ABTB1: variants seen among roughly 807,000 people sequenced by gnomAD.
ABTB1 encodes ankyrin repeat and BTB/POZ domain-containing protein 1.
A neutral mutation model predicts 57.1 loss-of-function variants in ABTB1; 45 were observed. That is an observed-to-expected ratio of 0.79 (90% confidence interval 0.62 to 1.01). ABTB1 has a LOEUF of 1.01. Among genes scored for constraint, ABTB1 ranks in the 50% least tolerant of loss-of-function variants. The pLI is 0.00. For synonymous variants in ABTB1, 302 were observed against 275.4 expected, an observed-to-expected ratio of 1.10 and a Z score of -0.95; for missense variants, 630 against 666.3, an observed-to-expected ratio of 0.95 and a Z score of 0.60.
Position 127,674,543 on chromosome 3 carries a change from A to T in ABTB1, c.120-2A>T. On this transcript the variant is annotated splice_acceptor_variant, in intron 2 of 11. Coordinates refer to ENST00000232744, the MANE Select transcript of ABTB1 (RefSeq NM_172027.3). LOFTEE classifies it high-confidence loss of function. The stretch of plus-strand genomic sequence containing the variant: ...CCTCCTGTACTTCCTTCCTCCCTTC[A>T]GGTACTATGCCTGCTTGTGTGGGCA... 1 of 1,614,136 alleles carries T rather than the reference A, an allele frequency of 6.2e-7. No individual in the cohort carries two copies. The highest frequency in any genetic ancestry group is 1.1e-5 in the South Asian group (1 of 91,084).
chr3:127,676,456 G>T lies in ABTB1; in HGVS notation c.480+25G>T. ...GGTATGTCCCTTCAGGGTGGCAGAGGGGCATGAACTGTCCAGGAACAGCAG... is the reference window on the plus strand; with the variant it reads ...GGTATGTCCCTTCAGGGTGGCAGAGTGGCATGAACTGTCCAGGAACAGCAG... On this transcript the variant is annotated intron_variant, in intron 5 of 11. Transcript: ENST00000232744. The surrounding 1 kb of genome is among the most constrained non-coding windows in gnomAD (Gnocchi z 5.4). 1.2e-6 allele frequency: 2 copies of T among 1,613,990 alleles called. No homozygotes were observed. Among genetic ancestry groups the T allele is most frequent in the Non-Finnish European group, 1.7e-6 (2 of 1,179,908 alleles).
Position 127,680,027 on chromosome 3 carries a change from A to T in ABTB1, c.1072A>T (p.Met358Leu), listed in dbSNP as rs748898586. 10 of 1,613,556 alleles carry T rather than the reference A, an allele frequency of 6.2e-6. No individual in the cohort carries two copies. The highest frequency in any genetic ancestry group is 8.5e-6 in the Non-Finnish European group (10 of 1,180,026). Residue 358 changes from methionine (M) to leucine (L), a missense_variant, in exon 11 of 12, where the codon ATG becomes TTG. Physicochemically the swap from Met to Leu is conservative, Grantham distance 15. This residue lies in a region of ABTB1 where 579 missense variants were observed against 585.9 expected (regional missense o/e 0.99). Coordinates refer to ENST00000232744, the MANE Select transcript of ABTB1 (RefSeq NM_172027.3). ...CTATGATGTGCTGAGCGTCGCCGACATGTACCTGCTGCCAGGCCTGAAGAG... is the reference window on the plus strand; with the variant it reads ...CTATGATGTGCTGAGCGTCGCCGACTTGTACCTGCTGCCAGGCCTGAAGAG... ...AAYDVLSVAD[M>L]YLLPGLKRLC... is the part of the protein sequence containing the mutation.
Position 127,674,607 on chromosome 3 carries a change from G to A in ABTB1, c.175+7G>A. The A allele has an allele frequency of 2.5e-6, 4 of 1,614,206 alleles. No individual in the cohort carries two copies. The East Asian group carries it at 6.7e-5, about 27-fold the overall frequency. ...CTCTACCTTCTGGCCAATGGTGAGA[G>A]CAGGGAGCCCGGCTCACGGGTGTGC... On this transcript the variant is annotated splice_region_variant and intron_variant, in intron 3 of 11. Transcript: ENST00000232744.
In ABTB1 at chr3:127,679,494, G is replaced by A. The variant is rs113104421; in HGVS notation, c.1030-491G>A. On this transcript the variant is annotated intron_variant, in intron 10 of 11. Transcript: ENST00000232744. ...CCCACAGCCTCTTGAGAGGGAGGGA[G>A]CTGGTAGATAGTCTCCCACCCCTGG... 3.5e-5 allele frequency: 16 copies of A among 456,584 alleles called. 1 individual carries two copies. The highest frequency in any genetic ancestry group is 1.0e-4 in the African/African-American group (5 of 50,188). The allele number at this position is 456,584 out of a possible 1,614,324, so 28.3% of individuals were successfully genotyped here. A position where few individuals can be genotyped will look rare whatever the true frequency, so the allele number is the denominator to read the frequency against.
intron 1 of ABTB1, 187 bp from the exon 2 acceptor site, chr3:127,674,204 C>A: frequency 3.0e-6 from 2 of 671,424 alleles, no homozygotes; most frequent in South Asian, 1.8e-5. Context: ...TTCGACCCCA[C>A]CTCCACATCC....
At chr3:127,674,714 C>T (rs977456101) in intron 3 of ABTB1, 114 bp downstream of exon 3, 4 of 1,264,754 alleles carry the variant, frequency 3.2e-6, no homozygotes, top group Non-Finnish European at 4.6e-6. Context: ...CAAAGCACCA[C>T]GATTCCTCTC....
rs1394245233 is a variant in ABTB1, at chr3:127,680,354, T to C, written c.1316T>C (p.Leu439Pro). The change falls in exon 12 of 12, where the codon CTG becomes CCG. Residue 439 changes from leucine (L) to proline (P), a missense_variant. Leu to Pro is a moderately conservative substitution (Grantham distance 98). Coordinates refer to ENST00000232744, the MANE Select transcript of ABTB1 (RefSeq NM_172027.3). Reference sequence around the variant, plus strand: ...CGGCAGGAGACGGACTCTATCCCGCTGGTGGACGACATCCGCTTCCACGTG... The same window carrying C: ...CGGCAGGAGACGGACTCTATCCCGCCGGTGGACGACATCCGCTTCCACGTG... ...AARQETDSIPLVDDIRFHVAS... is the reference protein window; with the variant it reads ...AARQETDSIPPVDDIRFHVAS... 1 of 1,609,458 alleles carries C rather than the reference T, an allele frequency of 6.2e-7. No individual in the cohort carries two copies. Among genetic ancestry groups the C allele is most frequent in the Non-Finnish European group, 8.5e-7 (1 of 1,178,294 alleles).
Position 127,680,316 on chromosome 3 carries a change from G to A in ABTB1, c.1278G>A (p.Ala426=), listed in dbSNP as rs772154886. ...TGGAGGCGGTGAAGGAGGAGGCAGC[G>A]GCTGTGGCAGCCCGGCAGGAGACGG... ...DFVEAVKEEA[A]AVAARQETDS... The change falls in exon 12 of 12, where the codon GCG becomes GCA. Residue 426 remains alanine, a synonymous_variant. Coordinates refer to ENST00000232744, the MANE Select transcript of ABTB1 (RefSeq NM_172027.3). The A allele has an allele frequency of 1.3e-4, 210 of 1,612,032 alleles. No individual in the cohort carries two copies. The highest frequency in any genetic ancestry group is 1.7e-4 in the Middle Eastern group (1 of 5,996).
chr3:127,676,723 G>T lies in ABTB1; in HGVS notation c.526+142G>T. On this transcript the variant is annotated intron_variant, in intron 6 of 11. Transcript: ENST00000232744. The surrounding 1 kb of genome is among the most constrained non-coding windows in gnomAD (Gnocchi z 5.4). ...GGTGGTTCCAGCTGCCTCTCGGGTT[G>T]GGTTGCAAGAGAGAGGACTAGTGTG... is the stretch of plus-strand genomic sequence containing the variant. 8.8e-7 allele frequency: 1 copy of T among 1,133,256 alleles called. No individual in the cohort carries two copies. The highest frequency in any genetic ancestry group is 1.3e-6 in the Non-Finnish European group (1 of 788,982). The allele number at this position is 1,133,256 out of a possible 1,614,324, so 70.2% of individuals were successfully genotyped here. A position where few individuals can be genotyped will look rare whatever the true frequency, so the allele number is the denominator to read the frequency against.
chr3:127,679,953 G>A (rs762485025), intron 10 of ABTB1, 32 bp from the exon 11 acceptor site: 8 of 1,608,180 alleles, frequency 5.0e-6, no homozygotes, highest in South Asian at 2.2e-5. Context: ...TGGTGACCTC[G>A]GGGGGCACCT....
chr3:127,675,811 C>A, intron 3 of ABTB1, 159 bp from the exon 4 acceptor site: 1 of 935,486 alleles, frequency 1.1e-6, no homozygotes, highest in Admixed American at 2.5e-5. Flanking sequence ...TAGCCCTTGA[C>A]TGGGAGGGTG....
chr3:127,675,780 A>C (rs2074966835), intron 3 of ABTB1, 190 bp from the exon 4 acceptor site: 7 of 679,216 alleles, frequency 1.0e-5, no homozygotes, highest in Admixed American at 2.8e-5. Flanking sequence ...GTGTGAGTGC[A>C]CACAGACGTG....
chr3:127,675,922 T>G lies in ABTB1; in HGVS notation c.176-48T>G, dbSNP rs180897917. ...GGAGGAGGGACAGGGAGATTAGAATTTCCCCCAGGCCCCTTCCCTGCTAAC... is the reference window on the plus strand; with the variant it reads ...GGAGGAGGGACAGGGAGATTAGAATGTCCCCCAGGCCCCTTCCCTGCTAAC... On this transcript the variant is annotated intron_variant, in intron 3 of 11. Coordinates refer to ENST00000232744, the MANE Select transcript of ABTB1 (RefSeq NM_172027.3). 4,319 of 1,582,450 alleles carry G rather than the reference T, an allele frequency of 2.7e-3. 11 individuals are homozygous for G. Among genetic ancestry groups the G allele is most frequent in the Non-Finnish European group, 3.3e-3 (3,781 of 1,157,030 alleles).
rs776665553 is a variant in ABTB1, at chr3:127,677,625, C to G, written c.862-51C>G. 4.3e-6 allele frequency: 7 copies of G among 1,613,156 alleles called. No individual in the cohort carries two copies. The South Asian group carries it at 7.7e-5, about 18-fold the overall frequency. On this transcript the variant is annotated intron_variant, in intron 9 of 11. Transcript: ENST00000232744. ...GTTGCCCTGAGCCCCCGTCTAGCTC[C>G]TCAGGAGACAGACCCTGGCCCTCAC...
At position 127,680,099 on chromosome 3, in the gene ABTB1, G is replaced by C. The variant is rs2075094788; in HGVS notation, c.1144G>C (p.Val382Leu). 3.1e-6 allele frequency: 5 copies of C among 1,613,914 alleles called. No homozygotes were observed. The East Asian group carries it at 1.1e-4, about 36-fold the overall frequency. Residue 382 changes from valine (V) to leucine (L), a missense_variant, in exon 11 of 12, where the codon GTG becomes CTG. Val to Leu is a conservative substitution (Grantham distance 32). Coordinates refer to ENST00000232744, the MANE Select transcript of ABTB1 (RefSeq NM_172027.3). Reference sequence around the variant, plus strand: ...TCAGATGCTAGACGAGGACACTGTGGTGGGTGTGTGGCGCGTGGCCAAGCT... The same window carrying C: ...TCAGATGCTAGACGAGGACACTGTGCTGGGTGTGTGGCGCGTGGCCAAGCT... ...LAQMLDEDTV[V>L]GVWRVAKLFR...
Position 127,680,249 on chromosome 3 carries a change from C to T in ABTB1, c.1231-20C>T. 6.2e-7 allele frequency: 1 copy of T among 1,613,506 alleles called. No individual in the cohort carries two copies. Among genetic ancestry groups the T allele is most frequent in the African/African-American group, 1.3e-5 (1 of 75,062 alleles). ...AGAGGGCAGGCACCCCTCCACTGAGCTGGCCCTTCCCGCTCATAGCTGGTG... is the reference window on the plus strand; with the variant it reads ...AGAGGGCAGGCACCCCTCCACTGAGTTGGCCCTTCCCGCTCATAGCTGGTG... On this transcript the variant is annotated intron_variant, in intron 11 of 11. Coordinates refer to ENST00000232744, the MANE Select transcript of ABTB1 (RefSeq NM_172027.3).
rs1363162173 is a variant in ABTB1 at position 127,680,879 on chromosome 3, G to C, written c.*404G>C. Reference sequence around the variant, plus strand: ...TGCACAGGGCCATTCAGGAAGGGCTGGGGGAGTGTGTGTGGCAATAAAGCT... The same window carrying C: ...TGCACAGGGCCATTCAGGAAGGGCTCGGGGAGTGTGTGTGGCAATAAAGCT... On this transcript the variant is annotated 3_prime_UTR_variant, in exon 12 of 12. Transcript: ENST00000232744. The C allele has an allele frequency of 3.6e-6, 2 of 557,676 alleles. No individual in the cohort carries two copies. The highest frequency in any genetic ancestry group is 6.3e-6 in the Non-Finnish European group (2 of 316,674). 34.5% of individuals were successfully genotyped at this position (557,676 alleles called of 1,614,324 possible).
rs1489366553 is a variant in ABTB1 at position 127,676,089 on chromosome 3, G to A, written c.295G>A (p.Asp99Asn). ...KQVTASCRRR[D>N]YYDDFLQRLL... ...GGTCACGGCTTCCTGCAGGAGGCGG[G>A]ATTACTATGACGACTTCTTGCAGCG... is the stretch of plus-strand genomic sequence containing the variant. Residue 99 changes from aspartate (D) to asparagine (N), a missense_variant, in exon 4 of 12, where the codon GAT becomes AAT. By Grantham distance (23) the Asp-to-Asn change is conservative (BLOSUM62 1). This residue lies in a region of ABTB1 where 579 missense variants were observed against 585.9 expected (regional missense o/e 0.99). Transcript: ENST00000232744. The surrounding 1 kb of genome is among the most constrained non-coding windows in gnomAD (Gnocchi z 5.4). 3 of 1,613,312 alleles carry A rather than the reference G, an allele frequency of 1.9e-6. No individual in the cohort carries two copies. Among genetic ancestry groups the A allele is most frequent in the Non-Finnish European group, 2.5e-6 (3 of 1,180,004 alleles).
intron 3 of ABTB1, among the ~76,000 whole-genome samples, chr3:127,674,878 T>C (rs1220819114): frequency 6.6e-6 from 1 of 152,242 alleles, no homozygotes; most frequent in Non-Finnish European, 1.5e-5. Context: ...TGCAGCCAAG[T>C]TGATCTTTTC....
Sources: allele counts gnomAD v4.1 joint callset (sites outside exome capture counted in the v4.1 genomes callset), GRCh38; gene constraint gnomAD v4.1.1; regional missense constraint gnomAD v4.1.1; non-coding constraint Gnocchi (gnomAD v3.1); transcripts MANE v1.5; gene names NCBI Gene and HGNC (gene_info 2026-07-23, HGNC 2026-07-21).